Variants in TPST1 observed in about 807,000 individuals in gnomAD.
The protein encoded by TPST1 is protein-tyrosine sulfotransferase 1.
A neutral mutation model predicts 34.8 loss-of-function variants in TPST1; 20 were observed. The ratio of observed to expected loss-of-function variants is 0.57; its 90% CI spans 0.40 to 0.84. The LOEUF (loss-of-function observed/expected upper bound fraction) is 0.84. Among genes scored for constraint, TPST1 ranks in the 40% least tolerant of loss-of-function variants. The probability of loss-of-function intolerance (pLI) is 0.00; values close to 1 mark genes in which losing one functional copy is unlikely to be tolerated. For synonymous variants in TPST1, 152 were observed against 159.4 expected, an observed-to-expected ratio of 0.95 and a Z score of 0.35; for missense variants, 353 against 455.5, an observed-to-expected ratio of 0.78 and a Z score of 2.05.
At chr7:66,311,815 G>T (rs145127087) in intron 3 of TPST1, among the ~76,000 whole-genome samples, 25 of 152,340 alleles carry the variant, frequency 1.6e-4, no homozygotes, top group Non-Finnish European at 3.2e-4. Context: ...GGACGAGGCT[G>T]AAAGTCTGAG....
At chr7:66,328,207 A>G (rs1187133879) in intron 3 of TPST1, among the ~76,000 whole-genome samples, 1 of 150,820 alleles carries the variant, frequency 6.6e-6, no homozygotes, top group Non-Finnish European at 1.5e-5. Context: ...TTGTATTTTT[A>G]GTAGAGATGG....
At chr7:66,334,850 A>G (rs1245134130) in intron 3 of TPST1, among the ~76,000 whole-genome samples, 1 of 151,894 alleles carries the variant, frequency 6.6e-6, no homozygotes, top group African/African-American at 2.4e-5. Flanking sequence ...AAGGAATTGG[A>G]GGTGTGTATT....
chr7:66,331,421 T>C (rs1791993493), intron 3 of TPST1, among the ~76,000 whole-genome samples: 1 of 152,172 alleles, frequency 6.6e-6, no homozygotes, highest in South Asian at 2.1e-4. Flanking sequence ...TTCCTATAAC[T>C]TGTAAAACCT....
At chr7:66,277,870 T>C (rs569812152) in intron 2 of TPST1, among the ~76,000 whole-genome samples, 1 of 152,002 alleles carries the variant, frequency 6.6e-6, no homozygotes, top group African/African-American at 2.4e-5. Context: ...AGAAATAGGC[T>C]GGGTGGATCA....
intron 2 of TPST1, among the ~76,000 whole-genome samples, chr7:66,272,315 A>G (rs1790719491): frequency 6.6e-6 from 1 of 152,222 alleles, no homozygotes; most frequent in African/African-American, 2.4e-5. Flanking sequence ...GTGATTCAAA[A>G]TAATGCAAAT....
At chr7:66,201,347 C>T (rs1202222276), upstream of TPST1, among the ~76,000 whole-genome samples, 1 of 138,880 alleles carries the variant, frequency 7.2e-6, no homozygotes, top group Non-Finnish European at 1.5e-5. Context: ...AGTTCAAGAC[C>T]AGTTTGGGCA....
At chr7:66,235,727 A>C (rs1452191973) in intron 1 of TPST1, among the ~76,000 whole-genome samples, 1 of 152,184 alleles carries the variant, frequency 6.6e-6, no homozygotes, top group African/African-American at 2.4e-5. Context: ...CGTGTGCCCA[A>C]GGTAGTTGAG....
At chr7:66,313,862 C>G (rs1791581928) in intron 3 of TPST1, among the ~76,000 whole-genome samples, 1 of 150,916 alleles carries the variant, frequency 6.6e-6, no homozygotes, top group Non-Finnish European at 1.5e-5. Flanking sequence ...TTTTTTTTTC[C>G]TCCCCTACCA....
the TPST1 span, among the ~76,000 whole-genome samples, chr7:66,199,991 A>C: frequency 1.3e-5 from 2 of 151,976 alleles, no homozygotes; most frequent in Admixed American, 6.6e-5. Context: ...CGGCCTCCCA[A>C]AGTGCTGGGA....
At chr7:66,267,183 TAAAC>T (rs1168580395) in intron 2 of TPST1, among the ~76,000 whole-genome samples, 1 of 152,224 alleles carries the variant, frequency 6.6e-6, no homozygotes, top group Non-Finnish European at 1.5e-5. Context: ...ATAAACATGT[TAAAC>T]AATTCTCCTT....
chr7:66,275,055 G>T (rs565015287), intron 2 of TPST1, among the ~76,000 whole-genome samples: 1 of 152,080 alleles, frequency 6.6e-6, no homozygotes, highest in African/African-American at 2.4e-5. Flanking sequence ...TTAGCCAGGT[G>T]TGGTGGCGGG....
chr7:66,246,181 T>A (rs796634282), intron 2 of TPST1, among the ~76,000 whole-genome samples: 1 of 10,358 alleles, frequency 9.7e-5, no homozygotes, highest in South Asian at 2.3e-3. Context: ...CCTGGCTAAT[T>A]TTTTTTTTTT....
intron 3 of TPST1, among the ~76,000 whole-genome samples, chr7:66,324,427 T>C (rs1791819174): frequency 6.6e-6 from 1 of 152,124 alleles, no homozygotes; most frequent in Admixed American, 6.6e-5. Flanking sequence ...CGTATAAACT[T>C]TTTACATATA....
At chr7:66,210,783 G>A (rs1789226139) in intron 1 of TPST1, among the ~76,000 whole-genome samples, 1 of 152,140 alleles carries the variant, frequency 6.6e-6, no homozygotes, top group Non-Finnish European at 1.5e-5. Context: ...GGGCAACATA[G>A]CAAGATCCCT....
Position 66,252,343 on chromosome 7 carries a change from C to T in TPST1, c.845+11073C>T, listed in dbSNP as rs542761554. ...AAAGTGCTGGGATTACAGGCTTGAGCCACCGCGCCCAGCCTTTTTTTTTTT... is the reference window on the plus strand; with the variant it reads ...AAAGTGCTGGGATTACAGGCTTGAGTCACCGCGCCCAGCCTTTTTTTTTTT... On this transcript the variant is annotated intron_variant, in intron 2 of 5. Transcript: ENST00000304842. Among the ~76,000 whole-genome samples the T allele has an allele frequency of 1.9e-4, 27 of 144,234 alleles. No individual in the cohort carries two copies. The South Asian group carries it at 6.0e-3, about 32-fold the overall frequency. The allele number at this position is 144,234 out of a possible 152,430, so 94.6% of individuals were successfully genotyped here. A position where few individuals can be genotyped will look rare whatever the true frequency, so the allele number is the denominator to read the frequency against.
chr7:66,334,145 G>A (rs986868987), intron 3 of TPST1, among the ~76,000 whole-genome samples: 1 of 152,102 alleles, frequency 6.6e-6, no homozygotes, highest in Admixed American at 6.5e-5. Flanking sequence ...AAAATAGGGA[G>A]GTTGACAGTC....
chr7:66,287,107 T>C (rs1436895569), intron 3 of TPST1, among the ~76,000 whole-genome samples: 1 of 140,790 alleles, frequency 7.1e-6, no homozygotes, highest in Non-Finnish European at 1.5e-5. Flanking sequence ...ATGCGGTGTT[T>C]GGTTTTTTGT....
chr7:66,326,716 C>G (rs1240116737), intron 3 of TPST1, among the ~76,000 whole-genome samples: 1 of 152,190 alleles, frequency 6.6e-6, no homozygotes, highest in African/African-American at 2.4e-5. Context: ...ACATTCCAAT[C>G]CATCTTGTCC....
At chr7:66,306,570 C>A (rs561908203) in intron 3 of TPST1, among the ~76,000 whole-genome samples, 1 of 152,292 alleles carries the variant, frequency 6.6e-6, no homozygotes, top group South Asian at 2.1e-4. Flanking sequence ...AGCTGTCCCA[C>A]CCTCAAGGAA....
Sources: gnomAD v4.1 joint callset for allele counts (sites outside exome capture counted in the v4.1 genomes callset) on GRCh38, gnomAD v4.1.1 for gene constraint, MANE v1.5 for transcripts, NCBI Gene and HGNC (gene_info 2026-07-23, HGNC 2026-07-21) for gene names.